Variants in NAA15 observed in about 807,000 individuals in gnomAD.
The protein encoded by NAA15 is N-terminal acetyltransferase.
In NAA15, 34 loss-of-function variants were observed where a neutral mutation model predicts 114.0. The observed-to-expected ratio is 0.30, with a 90% confidence interval of 0.23 to 0.40. The LOEUF (loss-of-function observed/expected upper bound fraction) is 0.40, where lower values mean the gene tolerates loss of function less well. Ranked by LOEUF, NAA15 falls within the 10% of genes least tolerant of loss-of-function variation. NAA15 has a pLI of 1.00. For missense variants in NAA15, 658 were observed against 1,004.5 expected, an observed-to-expected ratio of 0.66 and a Z score of 4.66; for synonymous variants, 340 against 338.0, an observed-to-expected ratio of 1.01 and a Z score of -0.06.
intron 1 of NAA15, among the ~76,000 whole-genome samples, chr4:139,323,642 C>G (rs769140461): frequency 5.3e-5 from 8 of 152,206 alleles, no homozygotes; most frequent in Non-Finnish European, 7.3e-5. Flanking sequence ...CCCTACACCT[C>G]TTACACCTAT....
chr4:139,319,407 A>G (rs1190155505), intron 1 of NAA15, among the ~76,000 whole-genome samples: 1 of 151,268 alleles, frequency 6.6e-6, no homozygotes, highest in Admixed American at 6.6e-5. Context: ...CGCCCAGCCA[A>G]AAGTTGTATT....
intron 12 of NAA15, 68 bp downstream of exon 12, chr4:139,359,963 G>A: frequency 7.1e-7 from 1 of 1,403,762 alleles, no homozygotes; most frequent in South Asian, 1.6e-5. Context: ...TGTATAACAT[G>A]CTTATTTTTC....
chr4:139,387,014 G>T (rs554771408), intron 19 of NAA15, among the ~76,000 whole-genome samples: 6 of 152,206 alleles, frequency 3.9e-5, no homozygotes, highest in African/African-American at 1.4e-4. Context: ...CTGAAAGACA[G>T]TTATTAATAA....
intron 19 of NAA15, among the ~76,000 whole-genome samples, chr4:139,386,980 AT>A (rs1427082179): frequency 6.6e-6 from 1 of 152,202 alleles, no homozygotes; most frequent in Non-Finnish European, 1.5e-5. Flanking sequence ...TCATGTTATA[AT>A]TTGCCAGATA....
chr4:139,350,004 A>C (rs190795691), intron 7 of NAA15, among the ~76,000 whole-genome samples: 23 of 152,212 alleles, frequency 1.5e-4, no homozygotes, highest in Admixed American at 1.4e-3. Flanking sequence ...AAATCTGAAT[A>C]CAAAAGTACA....
At position 139,384,887 on chromosome 4, in the gene NAA15, A is replaced by G; in HGVS notation, c.2211A>G (p.Glu737=). Residue 737 remains glutamate, a synonymous_variant, in exon 18 of 20, where the codon GAA becomes GAG. Transcript: ENST00000296543. Reference sequence around the variant, plus strand: ...CAGTTAGAACAGTATTAAAACAAGAAATGAATCGTCTTTTTGGAGCAACGA... The same window carrying G: ...CAGTTAGAACAGTATTAAAACAAGAGATGAATCGTCTTTTTGGAGCAACGA... ...SDTVRTVLKQ[E]MNRLFGATNP... 6.4e-7 allele frequency: 1 copy of G among 1,554,230 alleles called. No individual in the cohort carries two copies. Among genetic ancestry groups the G allele is most frequent in the Non-Finnish European group, 8.7e-7 (1 of 1,147,922 alleles).
At chr4:139,308,014 T>C (rs1032344379) in intron 1 of NAA15, among the ~76,000 whole-genome samples, 18 of 152,180 alleles carry the variant, frequency 1.2e-4, no homozygotes, top group African/African-American at 4.3e-4. Flanking sequence ...CAGGCTGGAG[T>C]GTAGTGGTGC....
intron 11 of NAA15, among the ~76,000 whole-genome samples, chr4:139,358,285 C>T (rs939241986): frequency 2.0e-5 from 3 of 151,314 alleles, no homozygotes; most frequent in Non-Finnish European, 2.9e-5. Flanking sequence ...GTCTGCCTTC[C>T]GGGTTGAAGC....
intron 19 of NAA15, 66 bp from the exon 20 acceptor site, chr4:139,387,818 T>C: frequency 8.2e-7 from 1 of 1,216,724 alleles, no homozygotes; most frequent in South Asian, 1.3e-5. Context: ...TGTTGAAATG[T>C]CTAATAAATT....
intron 9 of NAA15, 77 bp from the exon 10 acceptor site, chr4:139,353,949 G>T: frequency 8.6e-7 from 1 of 1,163,206 alleles, no homozygotes; most frequent in South Asian, 1.3e-5. Context: ...TGTTTTAGTA[G>T]AAAATAACAC....
At chr4:139,331,452 C>CTT (rs544614680) in intron 1 of NAA15, among the ~76,000 whole-genome samples, 1 of 143,442 alleles carries the variant, frequency 7.0e-6, no homozygotes, top group Non-Finnish European at 1.5e-5. Flanking sequence ...TTCTTTCTTT[C>CTT]TTTTTTTTTT....
intron 1 of NAA15, among the ~76,000 whole-genome samples, chr4:139,322,908 C>G (rs1346125708): frequency 6.6e-6 from 1 of 152,018 alleles, no homozygotes; most frequent in Non-Finnish European, 1.5e-5. Context: ...CCAGGTTGGT[C>G]TCGAACTCCT....
Position 139,374,128 on chromosome 4 carries a change from A to G in NAA15, c.1948-2237A>G, listed in dbSNP as rs1178880364. ...TTTTGTTGCTGTGCTGGGAGTTGCT[A>G]TGCTAGAGACATATACTCCTTTACA... On this transcript the variant is annotated intron_variant, in intron 15 of 19. Transcript: ENST00000296543. 4.6e-5 allele frequency among the ~76,000 whole-genome samples: 7 copies of G among 152,146 alleles called. No homozygotes were observed. In the East Asian group the frequency reaches 7.7e-4, roughly 17 times the overall value.
Position 139,366,834 on chromosome 4 carries a change from C to G in NAA15, c.1754-3377C>G, listed in dbSNP as rs1288820982. On this transcript the variant is annotated intron_variant, in intron 14 of 19. Transcript: ENST00000296543. The stretch of plus-strand genomic sequence containing the variant: ...ATGTTGCCCAGGCTGTTCTCAAAGT[C>G]CTGAGCTGAAGTGATCCTCTTGCCT... 2.0e-5 allele frequency among the ~76,000 whole-genome samples: 3 copies of G among 152,148 alleles called. No individual in the cohort carries two copies. The East Asian group carries it at 5.8e-4, about 29-fold the overall frequency.
chr4:139,350,879 G>A (rs1747757506), intron 7 of NAA15, among the ~76,000 whole-genome samples: 1 of 151,986 alleles, frequency 6.6e-6, no homozygotes, highest in Admixed American at 6.6e-5. Context: ...GAGGGGAGAA[G>A]CTAAGGAGAA....
intron 4 of NAA15, among the ~76,000 whole-genome samples, chr4:139,342,473 A>ATG (rs1165603882): frequency 3.9e-4 from 54 of 139,630 alleles, no homozygotes; most frequent in Admixed American, 6.2e-4. Flanking sequence ...GGATAAATTA[A>ATG]TGTGTGTTTT....
rs1316175346 is a variant in NAA15 at position 139,391,004 on chromosome 4, A to G, written c.*2920A>G. 6.6e-6 allele frequency: 1 copy of G among 152,360 alleles called. No individual in the cohort carries two copies. Among genetic ancestry groups the G allele is most frequent in the East Asian group, 1.9e-4 (1 of 5,192 alleles). 9.4% of individuals were successfully genotyped at this position (152,360 alleles called of 1,614,324 possible). A position where few individuals can be genotyped will look rare whatever the true frequency, so the allele number is the denominator to read the frequency against. The stretch of plus-strand genomic sequence containing the variant: ...CTTGTATGATTTCTAAGAATATTTC[A>G]GTTACCATGTATAGTATTTGGGAAA... On this transcript the variant is annotated 3_prime_UTR_variant, in exon 20 of 20. Transcript: ENST00000296543.
intron 3 of NAA15, 48 bp downstream of exon 3, chr4:139,337,000 T>C: frequency 8.0e-7 from 1 of 1,250,410 alleles, no homozygotes; most frequent in Non-Finnish European, 1.1e-6. Context: ...TGTTTTGAGC[T>C]AAGGCAGCAA....
intron 1 of NAA15, among the ~76,000 whole-genome samples, chr4:139,329,398 A>G (rs1248843349): frequency 3.3e-5 from 5 of 152,114 alleles, no homozygotes; most frequent in Admixed American, 1.3e-4. Flanking sequence ...TGGATGTTAT[A>G]CATTATAGGT....
Sources: gnomAD v4.1 joint callset for allele counts (sites outside exome capture counted in the v4.1 genomes callset) on GRCh38, gnomAD v4.1.1 for gene constraint, MANE v1.5 for transcripts, NCBI Gene and HGNC (gene_info 2026-07-23, HGNC 2026-07-21) for gene names.